RBAK: variants seen among roughly 807,000 people sequenced by gnomAD.
The protein encoded by RBAK is RB-associated KRAB zinc finger protein.
In RBAK, 39 loss-of-function variants were observed where a neutral mutation model predicts 65.8. That is an observed-to-expected ratio of 0.59 (90% CI 0.46 to 0.77). The LOEUF (loss-of-function observed/expected upper bound fraction) is 0.77. Among genes scored for constraint, RBAK ranks in the 30% least tolerant of loss-of-function variants. The probability of loss-of-function intolerance (pLI) is 0.00; values close to 1 mark genes in which losing one functional copy is unlikely to be tolerated. For missense variants in RBAK, 884 were observed against 855.1 expected (o/e 1.03, Z -0.42); for synonymous variants, 343 against 289.7 (o/e 1.18, Z -1.87).
In RBAK at chr7:5,064,786, C is replaced by T; in HGVS notation, c.1330C>T (p.Leu444Phe). ...GAAATTCTTTTCTCGGGTGTCATAC[C>T]TCACTATACATTATAGAAGTCATTT... ...CGKFFSRVSY[L>F]TIHYRSHLEE... Residue 444 changes from leucine to phenylalanine, a missense_variant, in exon 5 of 5, where the codon CTC becomes TTC. By Grantham distance (22) the Leu-to-Phe change is conservative. Coordinates refer to ENST00000396912, the MANE Select transcript of RBAK (RefSeq NM_021163.4). This position sits in a 1 kb window ranked among gnomAD's most constrained non-coding sequence, Gnocchi z 6.3. The T allele has an allele frequency of 6.2e-7, 1 of 1,613,996 alleles. No individual in the cohort carries two copies. Among genetic ancestry groups the T allele is most frequent in the Non-Finnish European group, 8.5e-7 (1 of 1,179,886 alleles).
At chr7:5,055,102 A>C (rs148543323) in intron 2 of RBAK, among the ~76,000 whole-genome samples, 6 of 152,028 alleles carry the variant, frequency 3.9e-5, no homozygotes, top group Non-Finnish European at 8.8e-5. Flanking sequence ...TTTCTTAGTT[A>C]TATTCCTCTA....
At chr7:5,062,240 C>T (rs540350658) in intron 4 of RBAK, among the ~76,000 whole-genome samples, 3 of 152,250 alleles carry the variant, frequency 2.0e-5, no homozygotes, top group Admixed American at 6.5e-5. Flanking sequence ...GAACCTGCCC[C>T]GATAGTCACG....
At chr7:5,047,267 G>C (rs1180084439) in intron 1 of RBAK, among the ~76,000 whole-genome samples, 1 of 152,096 alleles carries the variant, frequency 6.6e-6, no homozygotes, top group Non-Finnish European at 1.5e-5. Context: ...GGCATGCTGG[G>C]ATGCACCTGT....
chr7:5,050,485 T>G (rs1255916153), intron 2 of RBAK, among the ~76,000 whole-genome samples: 1 of 152,230 alleles, frequency 6.6e-6, no homozygotes, highest in East Asian at 1.9e-4. Flanking sequence ...AACTATTGAC[T>G]GTTGATTATT....
Position 5,046,087 on chromosome 7 carries a change from G to T in RBAK, c.-354G>T. Reference sequence around the variant, plus strand: ...GGAGCCGGCGGCGCTGGGGCCAGAGGGGCCGGACGGGAGGTGGCGGAGGTG... The same window carrying T: ...GGAGCCGGCGGCGCTGGGGCCAGAGTGGCCGGACGGGAGGTGGCGGAGGTG... On this transcript the variant is annotated 5_prime_UTR_variant, in exon 1 of 5. Coordinates refer to ENST00000396912, the MANE Select transcript of RBAK (RefSeq NM_021163.4). 3.2e-6 allele frequency: 1 copy of T among 308,950 alleles called. No individual in the cohort carries two copies. The highest frequency in any genetic ancestry group is 2.4e-5 in the South Asian group (1 of 41,428). 19.1% of individuals were successfully genotyped at this position (308,950 alleles called of 1,614,324 possible).
At chr7:5,055,008 C>G (rs996648905) in intron 2 of RBAK, among the ~76,000 whole-genome samples, 7 of 151,808 alleles carry the variant, frequency 4.6e-5, no homozygotes, top group African/African-American at 1.2e-4. Flanking sequence ...TCTTGAACTC[C>G]TGACCTCGGG....
rs1330200332 is a variant in RBAK, at chr7:5,046,216, G to C, written c.-225G>C. On this transcript the variant is annotated 5_prime_UTR_variant, in exon 1 of 5. Coordinates refer to ENST00000396912, the MANE Select transcript of RBAK (RefSeq NM_021163.4). ...CGGTGAGCCCGAGGGAGGCGGATCT[G>C]GGTCCCGGGAAGGACACCCGCCTGG... 1 of 498,702 alleles carries C rather than the reference G, an allele frequency of 2.0e-6. No individual in the cohort carries two copies. The highest frequency in any genetic ancestry group is 4.0e-6 in the Non-Finnish European group (1 of 251,694). 30.9% of individuals were successfully genotyped at this position (498,702 alleles called of 1,614,324 possible). A position where few individuals can be genotyped will look rare whatever the true frequency, so the allele number is the denominator to read the frequency against.
At chr7:5,050,299 C>T (rs912139333) in intron 2 of RBAK, among the ~76,000 whole-genome samples, 2 of 152,190 alleles carry the variant, frequency 1.3e-5, no homozygotes, top group Non-Finnish European at 2.9e-5. Flanking sequence ...TTGTGTTACC[C>T]TTGTTTCACC....
chr7:5,062,758 C>T (rs1159348004), intron 4 of RBAK, among the ~76,000 whole-genome samples: 1 of 152,156 alleles, frequency 6.6e-6, no homozygotes, highest in Non-Finnish European at 1.5e-5. Flanking sequence ...TATAGGCCCA[C>T]CCCTAGGCGC....
intron 1 of RBAK, among the ~76,000 whole-genome samples, chr7:5,047,360 C>T (rs1489852899): frequency 6.6e-6 from 1 of 152,146 alleles, no homozygotes; most frequent in Admixed American, 6.6e-5. Context: ...GAATGCACCA[C>T]TGCACTCCAG....
At chr7:5,063,477 CTGTGTGTGTGTGTGTG>C (rs71535175) in intron 4 of RBAK, among the ~76,000 whole-genome samples, 2 of 147,196 alleles carry the variant, frequency 1.4e-5, no homozygotes, top group African/African-American at 2.5e-5. Flanking sequence ...AATTCTTTCA[CTGTGTGTGTGTGTGTG>C]TGTGTGTGTG....
chr7:5,054,899 A>G (rs1330131998), intron 2 of RBAK, among the ~76,000 whole-genome samples: 1 of 151,874 alleles, frequency 6.6e-6, no homozygotes, highest in Non-Finnish European at 1.5e-5. Flanking sequence ...TAACTGACTT[A>G]CCCTAGGTAG....
In RBAK at chr7:5,064,805, G is replaced by A; in HGVS notation, c.1349G>A (p.Ser450Asn). 1 of 1,614,044 alleles carries A rather than the reference G, an allele frequency of 6.2e-7. No individual in the cohort carries two copies. Among genetic ancestry groups the A allele is most frequent in the Non-Finnish European group, 8.5e-7 (1 of 1,179,942 alleles). ...TCATACCTCACTATACATTATAGAA[G>A]TCATTTAGAAGAGAAACCCTATGAA... The part of the protein sequence containing the change: ...RVSYLTIHYR[S>N]HLEEKPYECN... The change falls in exon 5 of 5, where the codon AGT (serine) becomes AAT (asparagine). Residue 450 changes from serine (S) to asparagine (N), a missense_variant. Coordinates refer to ENST00000396912, the MANE Select transcript of RBAK (RefSeq NM_021163.4). This position sits in a 1 kb window ranked among gnomAD's most constrained non-coding sequence, Gnocchi z 6.3.
rs1441846209 is a variant in RBAK, at chr7:5,066,246, T to G, written c.*645T>G. The G allele has an allele frequency of 1.3e-5, 2 of 152,590 alleles. No homozygotes were observed. Among genetic ancestry groups the G allele is most frequent in the Non-Finnish European group, 2.9e-5 (2 of 68,018 alleles). 9.5% of individuals were successfully genotyped at this position (152,590 alleles called of 1,614,324 possible). ...AAGACAGGACATATTGTTGGTGAGATAATATTTAATAGGTATAAAATGGTA... is the reference window on the plus strand; with the variant it reads ...AAGACAGGACATATTGTTGGTGAGAGAATATTTAATAGGTATAAAATGGTA... On this transcript the variant is annotated 3_prime_UTR_variant, in exon 5 of 5. Transcript: ENST00000396912.
intron 2 of RBAK, among the ~76,000 whole-genome samples, chr7:5,052,917 A>G (rs7780624): frequency 0.051 from 7,819 of 151,880 alleles, 680 homozygotes; most frequent in African/African-American, 0.18. Flanking sequence ...CCACCACCAC[A>G]CCCGGCTAAT....
At position 5,057,420 on chromosome 7, in the gene RBAK, G is replaced by A. The variant is rs1480958706; in HGVS notation, c.141G>A (p.Val47=). 2.5e-6 allele frequency: 4 copies of A among 1,614,038 alleles called. No homozygotes were observed. The highest frequency in any genetic ancestry group is 3.4e-6 in the Non-Finnish European group (4 of 1,180,004). Residue 47 remains valine, a splice_region_variant and synonymous_variant, in exon 3 of 5, where the codon GTG becomes GTA. Transcript: ENST00000396912. ...AGAACTATAGCCATCTAGTTTCTGT[G>A]GGTGAGAATAGCTTGCTTTCTGAAT... ...MLENYSHLVS[V]GYDTTKPNVI... is the part of the protein sequence containing the mutation.
chr7:5,047,331 C>T (rs565123033), intron 1 of RBAK, among the ~76,000 whole-genome samples: 91 of 152,116 alleles, frequency 6.0e-4, no homozygotes, highest in Non-Finnish European at 1.1e-3. Flanking sequence ...GCCAGGAGGT[C>T]GAGGCTGCAG....
In RBAK at chr7:5,063,853, A is replaced by G. The variant is rs764616837; in HGVS notation, c.397A>G (p.Ile133Val). 6.2e-7 allele frequency: 1 copy of G among 1,613,964 alleles called. No individual in the cohort carries two copies. The highest frequency in any genetic ancestry group is 2.2e-5 in the East Asian group (1 of 44,874). Reference sequence around the variant, plus strand: ...AACAAGCCTTGTTCCTTCAAGCATAATAGCTCATAATTGTGTCTCATGTGG... The same window carrying G: ...AACAAGCCTTGTTCCTTCAAGCATAGTAGCTCATAATTGTGTCTCATGTGG... ...METSLVPSSI[I>V]AHNCVSCGKN... The change falls in exon 5 of 5, where the codon ATA (isoleucine) becomes GTA (valine). Residue 133 changes from isoleucine (I) to valine (V), a missense_variant. Coordinates refer to ENST00000396912, the MANE Select transcript of RBAK (RefSeq NM_021163.4).
intron 2 of RBAK, among the ~76,000 whole-genome samples, chr7:5,050,147 CTT>C (rs1392621159): frequency 1.3e-5 from 2 of 152,160 alleles, no homozygotes; most frequent in Admixed American, 1.3e-4. Flanking sequence ...AATAAGGAAT[CTT>C]TTTGAAAGGG....
Sources: gnomAD v4.1 joint callset for allele counts (sites outside exome capture counted in the v4.1 genomes callset) on GRCh38, gnomAD v4.1.1 for gene constraint, Gnocchi (gnomAD v3.1) non-coding constraint, MANE v1.5 for transcripts, NCBI Gene and HGNC (gene_info 2026-07-23, HGNC 2026-07-21) for gene names.